Variants in SCAF1 observed in about 807,000 individuals in gnomAD.
SCAF1 encodes the protein SR-related CTD associated factor 1.
A neutral mutation model predicts 91.2 loss-of-function variants in SCAF1; 28 were observed. That is an observed-to-expected ratio of 0.31 (90% CI 0.23 to 0.42). The LOEUF is 0.42. Among genes scored for constraint, SCAF1 ranks in the 10% least tolerant of loss-of-function variants. The pLI, the probability that SCAF1 is intolerant of heterozygous loss-of-function variation, is 1.00. For synonymous variants in SCAF1, 1,036 were observed against 833.7 expected (o/e 1.24, Z -4.18); for missense variants, 1,893 against 1,872.1 (o/e 1.01, Z -0.21).
chr19:49,648,952 A>G (rs1397440470), intron 6 of SCAF1, among the ~76,000 whole-genome samples: 1 of 149,738 alleles, frequency 6.7e-6, no homozygotes, highest in East Asian at 2.0e-4. Flanking sequence ...CCTGGGTAAC[A>G]GAGTGAGACT....
chr19:49,650,306 G>A (rs552467043), intron 6 of SCAF1, among the ~76,000 whole-genome samples: 11 of 152,264 alleles, frequency 7.2e-5, no homozygotes, highest in East Asian at 1.9e-4. Context: ...TCTACCAAAC[G>A]GGAGAAACTC....
rs1429391066 is a variant in SCAF1, at chr19:49,652,366, C to T, written c.1977C>T (p.Ser659=). The part of the protein sequence containing the change: ...SRGEKRSGDG[S]EKAPAPAPPP... ...GTGAGAAGCGGTCTGGGGATGGCAG[C>T]GAGAAGGCCCCGGCGCCCGCCCCGC... The change falls in exon 7 of 11, where the codon AGC becomes AGT. Residue 659 remains serine (S), a synonymous_variant. Transcript: ENST00000360565. The T allele has an allele frequency of 4.6e-6, 7 of 1,537,898 alleles. No individual in the cohort carries two copies. The highest frequency in any genetic ancestry group is 5.2e-6 in the Non-Finnish European group (6 of 1,144,916).
chr19:49,653,064 C>A lies in SCAF1; in HGVS notation c.2675C>A (p.Pro892Gln), dbSNP rs772867766. Residue 892 changes from proline (P) to glutamine (Q), a missense_variant, in exon 7 of 11, where the codon CCG becomes CAG. Physicochemically the swap from Pro to Gln is moderately conservative, Grantham distance 76. This residue lies in a region of SCAF1 where 1,436 missense variants were observed against 1,306.8 expected (regional missense o/e 1.10). Transcript: ENST00000360565. ...RAPTEMAKAA[P>Q]GSTKPKKTKV... is the part of the protein sequence containing the mutation. The stretch of plus-strand genomic sequence containing the variant: ...CCCACTGAGATGGCCAAAGCAGCTC[C>A]GGGCAGCACCAAGCCCAAAAAGACC... 6.2e-7 allele frequency: 1 copy of A among 1,613,742 alleles called. No homozygotes were observed. The highest frequency in any genetic ancestry group is 1.3e-5 in the African/African-American group (1 of 75,030).
intron 6 of SCAF1, among the ~76,000 whole-genome samples, chr19:49,648,906 G>A (rs941056637): frequency 4.0e-5 from 6 of 150,402 alleles, no homozygotes; most frequent in African/African-American, 1.5e-4. Flanking sequence ...GGAGATGGAG[G>A]TTGCAGTGAG....
At position 49,651,990 on chromosome 19, in the gene SCAF1, C is replaced by T. The variant is rs2081095840; in HGVS notation, c.1601C>T (p.Ser534Leu). ...AGCGGCGAGGCCAAGGAGGCCGCCTCGTCCTCGTCGGGCACCCAGCCAGCG... is the reference window on the plus strand; with the variant it reads ...AGCGGCGAGGCCAAGGAGGCCGCCTTGTCCTCGTCGGGCACCCAGCCAGCG... The part of the protein sequence containing the change: ...KRSGEAKEAA[S>L]SSSGTQPAPP... Residue 534 changes from serine (S) to leucine (L), a missense_variant, in exon 7 of 11, where the codon TCG becomes TTG. Ser to Leu is a moderately radical substitution (Grantham distance 145, BLOSUM62 -2). Coordinates refer to ENST00000360565, the MANE Select transcript of SCAF1 (RefSeq NM_021228.3). 2.1e-5 allele frequency: 25 copies of T among 1,196,868 alleles called. No individual in the cohort carries two copies. The highest frequency in any genetic ancestry group is 2.4e-5 in the Non-Finnish European group (23 of 955,632). 74.1% of individuals were successfully genotyped at this position (1,196,868 alleles called of 1,614,324 possible).
chr19:49,656,493 G>T (rs960572524), intron 9 of SCAF1, among the ~76,000 whole-genome samples: 1 of 152,224 alleles, frequency 6.6e-6, no homozygotes, highest in Non-Finnish European at 1.5e-5. Flanking sequence ...TTCTCCAAGG[G>T]TGGTGCCAAG....
In SCAF1 at chr19:49,651,288, C is replaced by A; in HGVS notation, c.899C>A (p.Thr300Asn). Residue 300 changes from threonine (T) to asparagine (N), a missense_variant, in exon 7 of 11, where the codon ACC becomes AAC. Physicochemically the swap from Thr to Asn is moderately conservative, Grantham distance 65. Around this residue, in one of 5 missense-constraint regions of SCAF1, gnomAD observed 80 missense variants for 116.6 expected, o/e 0.69. Coordinates refer to ENST00000360565, the MANE Select transcript of SCAF1 (RefSeq NM_021228.3). Reference protein sequence around the residue: ...LSQSISRISETLAGIYDDNSL... With the variant: ...LSQSISRISENLAGIYDDNSL... ...CAGAGCATCAGCCGCATCTCGGAGA[C>A]CCTGGCGGGCATCTACGATGACAAC... 6.2e-7 allele frequency: 1 copy of A among 1,611,504 alleles called. No homozygotes were observed. Among genetic ancestry groups the A allele is most frequent in the Non-Finnish European group, 8.5e-7 (1 of 1,179,792 alleles).
In SCAF1 at chr19:49,652,864, C is replaced by T; in HGVS notation, c.2475C>T (p.Ser825=). The change falls in exon 7 of 11, where the codon TCC becomes TCT. Residue 825 remains serine (S), a synonymous_variant. Coordinates refer to ENST00000360565, the MANE Select transcript of SCAF1 (RefSeq NM_021228.3). Reference sequence around the variant, plus strand: ...CAGGCTCTTCATCCTCGTCGTCCTCCTGTTCTTCCCGGAAGGTGAAGCTGC... The same window carrying T: ...CAGGCTCTTCATCCTCGTCGTCCTCTTGTTCTTCCCGGAAGGTGAAGCTGC... The part of the protein sequence containing the change: ...SGSGSSSSSS[S]CSSRKVKLQS... The T allele has an allele frequency of 1.9e-6, 3 of 1,614,076 alleles. No homozygotes were observed. The highest frequency in any genetic ancestry group is 1.3e-5 in the African/African-American group (1 of 75,054).
Position 49,645,289 on chromosome 19 carries a change from A to G in SCAF1, c.109-65A>G. 1.3e-6 allele frequency: 2 copies of G among 1,571,976 alleles called. No individual in the cohort carries two copies. Among genetic ancestry groups the G allele is most frequent in the Admixed American group, 3.4e-5 (2 of 59,238 alleles). On this transcript the variant is annotated intron_variant, in intron 2 of 10. Transcript: ENST00000360565. This position sits in a 1 kb window ranked among gnomAD's most constrained non-coding sequence, Gnocchi z 4.6. ...CAGTGTCTGGGATGTCTGTCTCCCA[A>G]GGGGCAGAGGTTGCAAAGCATCTGC...
In SCAF1 at chr19:49,652,424, G is replaced by A. The variant is rs2081103329; in HGVS notation, c.2035G>A (p.Asp679Asn). 3.1e-6 allele frequency: 5 copies of A among 1,597,674 alleles called. No homozygotes were observed. The highest frequency in any genetic ancestry group is 4.3e-6 in the Non-Finnish European group (5 of 1,176,432). The stretch of plus-strand genomic sequence containing the variant: ...TGGCTCCACCTCGTGTGGTGACCGC[G>A]ACAGCCGCCGCCGGGGGGCCGTGCC... ...PSGSTSCGDR[D>N]SRRRGAVPPS... Residue 679 changes from aspartate (D) to asparagine (N), a missense_variant, in exon 7 of 11, where the codon GAC becomes AAC. Asp to Asn is a conservative substitution (Grantham distance 23). Coordinates refer to ENST00000360565, the MANE Select transcript of SCAF1 (RefSeq NM_021228.3).
rs377352469 is a variant in SCAF1 at position 49,646,079 on chromosome 19, T to G, written c.167-29T>G. On this transcript the variant is annotated intron_variant, in intron 3 of 10. Transcript: ENST00000360565. The surrounding 1 kb of genome is among the most constrained non-coding windows in gnomAD (Gnocchi z 5.6). ...AAGTCTCTGCAGCAAGTCCCCTGTG[T>G]CCAATCCCCCATGCAAATCTCTCAC... The G allele has an allele frequency of 6.3e-7, 1 of 1,598,818 alleles. No homozygotes were observed. Among genetic ancestry groups the G allele is most frequent in the South Asian group, 1.1e-5 (1 of 90,796 alleles).
chr19:49,653,769 C>T, intron 7 of SCAF1, 64 bp downstream of exon 7: 1 of 1,409,050 alleles, frequency 7.1e-7, no homozygotes, highest in Non-Finnish European at 9.3e-7. Flanking sequence ...CTGGAGGGTA[C>T]AGACTTAGAG....
At chr19:49,649,114 G>A (rs558765485) in intron 6 of SCAF1, among the ~76,000 whole-genome samples, 60 of 152,322 alleles carry the variant, frequency 3.9e-4, no homozygotes, top group South Asian at 1.0e-3. Context: ...GGTGTATCCG[G>A]AAGCTAATAG....
Position 49,651,578 on chromosome 19 carries a change from G to C in SCAF1, c.1189G>C (p.Val397Leu). The C allele has an allele frequency of 2.6e-6, 4 of 1,546,880 alleles. No individual in the cohort carries two copies. Among genetic ancestry groups the C allele is most frequent in the South Asian group, 1.2e-5 (1 of 84,064 alleles). The change falls in exon 7 of 11, where the codon GTC (valine) becomes CTC (leucine). Residue 397 changes from valine to leucine, a missense_variant. Physicochemically the swap from Val to Leu is conservative, Grantham distance 32. This residue lies in a region of SCAF1 where 1,436 missense variants were observed against 1,306.8 expected (regional missense o/e 1.10). Coordinates refer to ENST00000360565, the MANE Select transcript of SCAF1 (RefSeq NM_021228.3). ...CTCGGAGATCGAGGAAGGGGAGATC[G>C]TCCAGCCGGAGGAGGAGCCCAGGCT... ...GDSEIEEGEIVQPEEEPRLAL... is the reference protein window; with the variant it reads ...GDSEIEEGEILQPEEEPRLAL...
In SCAF1 at chr19:49,645,345, C is replaced by A. The variant is rs757114811; in HGVS notation, c.109-9C>A. On this transcript the variant is annotated splice_polypyrimidine_tract_variant and intron_variant, in intron 2 of 10. Coordinates refer to ENST00000360565, the MANE Select transcript of SCAF1 (RefSeq NM_021228.3). The surrounding 1 kb of genome is among the most constrained non-coding windows in gnomAD (Gnocchi z 4.6). ...TCCTCTGACGCTTGGTTCTTCCCCC[C>A]TTCCCCAGCGAGCCATCCAGCAGGC... The A allele has an allele frequency of 1.1e-5, 18 of 1,613,814 alleles. No individual in the cohort carries two copies. In the Admixed American group the frequency reaches 1.7e-4, roughly 15 times the overall value.
rs561831534 is a variant in SCAF1 at position 49,651,382 on chromosome 19, C to T, written c.993C>T (p.Pro331=). The change falls in exon 7 of 11, where the codon CCC becomes CCT. Residue 331 remains proline, a synonymous_variant. Coordinates refer to ENST00000360565, the MANE Select transcript of SCAF1 (RefSeq NM_021228.3). ...RPDAQPTQPT[P]APGTPPQVDS... Reference sequence around the variant, plus strand: ...ACGCGCAGCCCACACAGCCGACTCCCGCCCCTGGAACGCCGCCCCAGGTGG... The same window carrying T: ...ACGCGCAGCCCACACAGCCGACTCCTGCCCCTGGAACGCCGCCCCAGGTGG... 245 of 1,607,986 alleles carry T rather than the reference C, an allele frequency of 1.5e-4. 2 individuals are homozygous for T. In the South Asian group the frequency reaches 2.4e-3, roughly 16 times the overall value.
At chr19:49,655,581 G>A (rs768352368) in intron 9 of SCAF1, among the ~76,000 whole-genome samples, 1 of 152,208 alleles carries the variant, frequency 6.6e-6, no homozygotes, top group Admixed American at 6.5e-5. Context: ...TGGCCAGGCT[G>A]GTCTTGACTC....
In SCAF1 at chr19:49,651,273, G is replaced by C. The variant is rs1209771129; in HGVS notation, c.884G>C (p.Ser295Thr). Reference sequence around the variant, plus strand: ...GAGGAAGGCCTGTCCCAGAGCATCAGCCGCATCTCGGAGACCCTGGCGGGC... The same window carrying C: ...GAGGAAGGCCTGTCCCAGAGCATCACCCGCATCTCGGAGACCCTGGCGGGC... ...EEEEGLSQSI[S>T]RISETLAGIY... Residue 295 changes from serine (S) to threonine (T), a missense_variant, in exon 7 of 11, where the codon AGC becomes ACC. Physicochemically the swap from Ser to Thr is moderately conservative, Grantham distance 58. Coordinates refer to ENST00000360565, the MANE Select transcript of SCAF1 (RefSeq NM_021228.3). 6.2e-7 allele frequency: 1 copy of C among 1,611,770 alleles called. No individual in the cohort carries two copies. The highest frequency in any genetic ancestry group is 8.5e-7 in the Non-Finnish European group (1 of 1,179,784).
intron 6 of SCAF1, among the ~76,000 whole-genome samples, chr19:49,647,805 G>A (rs1220025537): frequency 6.6e-6 from 1 of 150,408 alleles, no homozygotes; most frequent in African/African-American, 2.5e-5. Context: ...GCTAATTTTC[G>A]TAGTTTTAGT....
Sources: gnomAD v4.1 joint callset for allele counts (sites outside exome capture counted in the v4.1 genomes callset) on GRCh38, gnomAD v4.1.1 for gene constraint, gnomAD v4.1.1 regional missense constraint, Gnocchi (gnomAD v3.1) non-coding constraint, MANE v1.5 for transcripts, NCBI Gene and HGNC (gene_info 2026-07-23, HGNC 2026-07-21) for gene names.